The following AATK variants were observed in gnomAD, a reference collection of about 807,000 sequenced individuals.
AATK encodes the protein lemur tail kinase 1, also known as serine/threonine-protein kinase LMTK1.
Under a neutral mutation model 114.3 loss-of-function variants are expected in AATK, and 91 were observed. The ratio of observed to expected loss-of-function variants is 0.80; its 90% confidence interval spans 0.67 to 0.95. The LOEUF (loss-of-function observed/expected upper bound fraction) is 0.95. AATK is among the 40% of genes least tolerant of loss of function. AATK has a pLI of 0.00. For synonymous variants in AATK, 1,075 were observed against 916.5 expected (o/e 1.17, Z -3.12); for missense variants, 2,176 against 1,965.2 (o/e 1.11, Z -2.03).
chr17:81,124,899 T>TGCCCA (rs1275037865), intron 8 of AATK, 31 bp downstream of exon 8: 30 of 1,566,034 alleles, frequency 1.9e-5, no homozygotes, highest in African/African-American at 5.4e-5. Flanking sequence ...CTGCCCCTCA[T>TGCCCA]GCCCAGCCCA....
At chr17:81,137,276 A>G (rs569958705) in intron 1 of AATK, among the ~76,000 whole-genome samples, 11 of 146,816 alleles carry the variant, frequency 7.5e-5, no homozygotes, top group African/African-American at 2.8e-4. Flanking sequence ...AAAAAAAAGG[A>G]ATTACTACCA....
chr17:81,165,895 G>C, intron 1 of AATK, 43 bp downstream of exon 1: 1 of 1,558,422 alleles, frequency 6.4e-7, no homozygotes. Context: ...CGTCCGCAGC[G>C]GAGGGAGGCA....
At chr17:81,154,011 C>T (rs1175162637) in intron 1 of AATK, among the ~76,000 whole-genome samples, 1 of 152,128 alleles carries the variant, frequency 6.6e-6, no homozygotes, top group African/African-American at 2.4e-5. Flanking sequence ...GCGGAGGCTG[C>T]AGTGAGCCGA....
Position 81,119,266 on chromosome 17 carries a change from C to T in AATK, c.4084+114G>A, listed in dbSNP as rs1053889052. On this transcript the variant is annotated intron_variant, in intron 13 of 13. Coordinates refer to ENST00000326724, the MANE Select transcript of AATK (RefSeq NM_001080395.3). ...GGAGCGGGGCCGGGAAGGAGCGGAGCGGAGCGGAGCCGGGGCTGGCCCGGC... is the reference window on the plus strand; with the variant it reads ...GGAGCGGGGCCGGGAAGGAGCGGAGTGGAGCGGAGCCGGGGCTGGCCCGGC... 11 of 1,144,220 alleles carry T rather than the reference C, an allele frequency of 9.6e-6. No homozygotes were observed. The Admixed American group carries it at 1.0e-4, about 10-fold the overall frequency. 70.9% of individuals were successfully genotyped at this position (1,144,220 alleles called of 1,614,324 possible).
Position 81,120,613 on chromosome 17 carries a change from A to T in AATK, c.3323T>A (p.Leu1108Gln), listed in dbSNP as rs898474879. The T allele has an allele frequency of 2.6e-6, 4 of 1,551,290 alleles. No homozygotes were observed. Among genetic ancestry groups the T allele is most frequent in the African/African-American group, 2.8e-5 (2 of 72,706 alleles). The change falls in exon 11 of 14, where the codon CTG (leucine) becomes CAG (glutamine). Residue 1108 changes from leucine to glutamine, a missense_variant. Coordinates refer to ENST00000326724, the MANE Select transcript of AATK (RefSeq NM_001080395.3). ...SQFFLLTPVP[L>Q]RSEGNSSEFQ... ...CTCAGAGCTGTTGCCTTCTGATCTC[A>T]GCGGAACCGGGGTCAGCAGGAAAAA... is the stretch of plus-strand genomic sequence containing the variant.
Position 81,131,086 on chromosome 17 carries a change from G to A in AATK, c.309C>T (p.Pro103=). The stretch of plus-strand genomic sequence containing the variant: ...CTGAGCGCCCAGGCTGCTTGGCCAT[G>A]GGCAAGGAGACCTCCGTGAGTGGCA... ...YVLPLTEVSL[P]MAKQPGRSVQ... The change falls in exon 3 of 14, where the codon CCC becomes CCT. Residue 103 remains proline, a synonymous_variant. Coordinates refer to ENST00000326724, the MANE Select transcript of AATK (RefSeq NM_001080395.3). The A allele has an allele frequency of 1.9e-6, 3 of 1,555,760 alleles. No individual in the cohort carries two copies. Among genetic ancestry groups the A allele is most frequent in the South Asian group, 1.2e-5 (1 of 84,472 alleles).
chr17:81,131,811 T>C (rs894467293), intron 2 of AATK: 5 of 1,279,962 alleles, frequency 3.9e-6, no homozygotes. Context: ...GGAGAAGCAA[T>C]TAAGTGCCCC....
At chr17:81,127,070 G>A (rs568363754) in intron 6 of AATK, among the ~76,000 whole-genome samples, 3 of 144,060 alleles carry the variant, frequency 2.1e-5, no homozygotes, top group Non-Finnish European at 3.1e-5. Context: ...GGCAGGTCTC[G>A]GGGGAGGGGG....
chr17:81,133,086 T>A, intron 2 of AATK: 1 of 352,346 alleles, frequency 2.8e-6, no homozygotes, highest in African/African-American at 2.2e-5. Flanking sequence ...TGCCAGCGGG[T>A]CAGGGGTACA....
chr17:81,132,099 C>T (rs563793854), intron 2 of AATK: 23 of 1,119,916 alleles, frequency 2.1e-5, no homozygotes, highest in Middle Eastern at 3.0e-4. Context: ...CACATTCCTG[C>T]GCTGAGAGCC....
rs766380495 is a variant in AATK, at chr17:81,122,292, G to A, written c.1644C>T (p.Ala548=). 1.5e-5 allele frequency: 22 copies of A among 1,503,028 alleles called. No individual in the cohort carries two copies. The highest frequency in any genetic ancestry group is 1.9e-5 in the Non-Finnish European group (21 of 1,133,128). 93.1% of individuals were successfully genotyped at this position (1,503,028 alleles called of 1,614,324 possible). ...APAAGHDPDC[A]GCAPSPPATA... is the part of the protein sequence containing the mutation. ...TGGCAGGTGGACTGGGGGCGCAGCC[G>A]GCGCAGTCAGGGTCGTGGCCGGCGG... The change falls in exon 11 of 14, where the codon GCC becomes GCT. Residue 548 remains alanine (A), a synonymous_variant. Coordinates refer to ENST00000326724, the MANE Select transcript of AATK (RefSeq NM_001080395.3).
chr17:81,161,429 C>T (rs1280702016), intron 1 of AATK, among the ~76,000 whole-genome samples: 1 of 152,338 alleles, frequency 6.6e-6, no homozygotes, highest in East Asian at 1.9e-4. Context: ...AACTTGATTA[C>T]AGCTGCAAAG....
intron 13 of AATK, among the ~76,000 whole-genome samples, chr17:81,119,031 C>G (rs2060624273): frequency 6.6e-6 from 1 of 152,164 alleles, no homozygotes; most frequent in African/African-American, 2.4e-5. Context: ...ACCGTGGGAC[C>G]TGGGTCTGCA....
At chr17:81,165,523 G>A in intron 1 of AATK, 1 of 755,380 alleles carries the variant, frequency 1.3e-6, no homozygotes, top group East Asian at 6.0e-5. Flanking sequence ...CTCCCAGCCT[G>A]GGAAGAAGCC....
rs535065112 is a variant in AATK at position 81,119,905 on chromosome 17, A to C, written c.3883+31T>G. On this transcript the variant is annotated intron_variant, in intron 12 of 13. Transcript: ENST00000326724. ...CACGGACCAGGCCCTGCCTCCCGTG[A>C]CGTCACGGGCCCAGCCCCGCCCCTG... 1.9e-4 allele frequency: 264 copies of C among 1,402,246 alleles called. 4 individuals carry two copies. In the South Asian group the frequency reaches 3.9e-3, roughly 21 times the overall value. 86.9% of individuals were successfully genotyped at this position (1,402,246 alleles called of 1,614,324 possible).
intron 2 of AATK, chr17:81,133,226 G>A: frequency 2.0e-6 from 1 of 494,090 alleles, no homozygotes; most frequent in South Asian, 1.5e-5. Flanking sequence ...GCTCTGGAAG[G>A]TTGAATGGGC....
intron 12 of AATK, 47 bp downstream of exon 12, chr17:81,119,889 G>T: frequency 2.8e-6 from 4 of 1,406,766 alleles, no homozygotes; most frequent in Non-Finnish European, 3.7e-6. Context: ...GCACGGACCA[G>T]GCCCTGCCTC....
chr17:81,147,294 G>A (rs945278784), intron 1 of AATK, among the ~76,000 whole-genome samples: 1 of 150,414 alleles, frequency 6.6e-6, no homozygotes, highest in African/African-American at 2.5e-5. Context: ...CCGGAAGGCA[G>A]AGGTTGCAGT....
Position 81,121,468 on chromosome 17 carries a change from AGGGCATCAG to A in AATK, c.2459_2467del (p.Pro820_Ala822del), listed in dbSNP as rs750856677. 31 of 1,581,568 alleles carry A rather than the reference AGGGCATCAG, an allele frequency of 2.0e-5. No homozygotes were observed. Among genetic ancestry groups the A allele is most frequent in the Non-Finnish European group, 2.4e-5 (28 of 1,162,416 alleles). ...AGTAGCAGGCGTGGGAGAGTCAGGCAGGGCATCAGGGGCGTCGGGGGCACTGGCCTCCTC... is the reference window on the plus strand; with the variant it reads ...AGTAGCAGGCGTGGGAGAGTCAGGCAGGGCGTCGGGGGCACTGGCCTCCTC... On this transcript the variant is annotated inframe_deletion, in exon 11 of 14. Coordinates refer to ENST00000326724, the MANE Select transcript of AATK (RefSeq NM_001080395.3).
Sources: gnomAD v4.1 joint callset for allele counts (sites outside exome capture counted in the v4.1 genomes callset) on GRCh38, gnomAD v4.1.1 for gene constraint, MANE v1.5 for transcripts, NCBI Gene and HGNC (gene_info 2026-07-23, HGNC 2026-07-21) for gene names.